APOBR: variants seen among roughly 807,000 people sequenced by gnomAD.
The protein encoded by APOBR is apolipoprotein B receptor.
A neutral mutation model predicts 88.5 loss-of-function variants in APOBR; 57 were observed. That is an observed-to-expected ratio of 0.64 (90% CI 0.52 to 0.80). The LOEUF (loss-of-function observed/expected upper bound fraction) is 0.80, where lower values mean the gene tolerates loss of function less well. APOBR is among the 30% of genes least tolerant of loss of function. The pLI is 0.00. For missense variants in APOBR, 1,443 were observed against 1,401.6 expected, an observed-to-expected ratio of 1.03 and a Z score of -0.47; for synonymous variants, 588 against 572.7, an observed-to-expected ratio of 1.03 and a Z score of -0.38.
At position 28,497,624 on chromosome 16, in the gene APOBR, G is replaced by C. The variant is rs2046403842; in HGVS notation, c.2583G>C (p.Gln861His). The change falls in exon 2 of 4, where the codon CAG becomes CAC. Residue 861 changes from glutamine (Q) to histidine (H), a missense_variant. By Grantham distance (24) the Gln-to-His change is conservative. Coordinates refer to ENST00000564831, the MANE Select transcript of APOBR (RefSeq NM_018690.4). ...GTGGGCTGGATCCCGCGGGCTCCCAGACAGCGAGGGCAGAGGGGATGGGAG... is the reference window on the plus strand; with the variant it reads ...GTGGGCTGGATCCCGCGGGCTCCCACACAGCGAGGGCAGAGGGGATGGGAG... ...DSCGLDPAGSQTARAEGMGAM... is the reference protein window; with the variant it reads ...DSCGLDPAGSHTARAEGMGAM... 1.2e-6 allele frequency: 2 copies of C among 1,605,818 alleles called. No homozygotes were observed. Among genetic ancestry groups the C allele is most frequent in the Non-Finnish European group, 1.7e-6 (2 of 1,176,286 alleles).
In APOBR at chr16:28,498,255, C is replaced by T. The variant is rs2046409608; in HGVS notation, c.3130C>T (p.Gln1044Ter). The T allele has an allele frequency of 6.2e-7, 1 of 1,607,032 alleles. No individual in the cohort carries two copies. Among genetic ancestry groups the T allele is most frequent in the Non-Finnish European group, 8.5e-7 (1 of 1,177,278 alleles). Residue 1044 changes from glutamine (Q) to a stop codon, truncating the protein, a stop_gained, in exon 3 of 4, where the codon CAG (glutamine) becomes TAG (stop). Coordinates refer to ENST00000564831, the MANE Select transcript of APOBR (RefSeq NM_018690.4). LOFTEE classifies it high-confidence loss of function. ...TGAGGAGGAGCTGTCAGCTCCTGAGCAGAGACCCCTCCAGCTGGAGGAACC... is the reference window on the plus strand; with the variant it reads ...TGAGGAGGAGCTGTCAGCTCCTGAGTAGAGACCCCTCCAGCTGGAGGAACC... The part of the protein sequence containing the change: ...PPEEELSAPE[Q>*]RPLQLEEPLE...
In APOBR at chr16:28,495,290, G is replaced by T; in HGVS notation, c.249G>T (p.Gly83=). Residue 83 remains glycine (G), a synonymous_variant, in exon 2 of 4, where the codon GGG becomes GGT. Coordinates refer to ENST00000564831, the MANE Select transcript of APOBR (RefSeq NM_018690.4). ...SQNEGAGRLR[G]PGDDRRHEVG... ...ACGAGGGGGCTGGAAGGCTGAGAGG[G>T]CCTGGAGATGACAGAAGACATGAAG... 6.5e-7 allele frequency: 1 copy of T among 1,534,646 alleles called. No homozygotes were observed. The highest frequency in any genetic ancestry group is 1.7e-4 in the Middle Eastern group (1 of 5,788).
rs1388630889 is a variant in APOBR, at chr16:28,495,458, A to C, written c.417A>C (p.Arg139Ser). 6.4e-7 allele frequency: 1 copy of C among 1,561,792 alleles called. No individual in the cohort carries two copies. The highest frequency in any genetic ancestry group is 8.7e-7 in the Non-Finnish European group (1 of 1,153,124). Reference protein sequence around the residue: ...CQEPSAHLEARKKSKAGSGAC... With the variant: ...CQEPSAHLEASKKSKAGSGAC... ...AGCCAAGCGCCCACTTGGAGGCCAG[A>C]AAGAAATCCAAGGCAGGGTCTGGGG... Residue 139 changes from arginine (R) to serine (S), a missense_variant, in exon 2 of 4, where the codon AGA (arginine) becomes AGC (serine). By Grantham distance (110) the Arg-to-Ser change is moderately radical. Coordinates refer to ENST00000564831, the MANE Select transcript of APOBR (RefSeq NM_018690.4).
At position 28,497,350 on chromosome 16, in the gene APOBR, T is replaced by C. The variant is rs1221813198; in HGVS notation, c.2309T>C (p.Val770Ala). The C allele has an allele frequency of 6.2e-7, 1 of 1,608,564 alleles. No individual in the cohort carries two copies. Among genetic ancestry groups the C allele is most frequent in the East Asian group, 2.2e-5 (1 of 44,702 alleles). The change falls in exon 2 of 4, where the codon GTC (valine) becomes GCC (alanine). Residue 770 changes from valine (V) to alanine (A), a missense_variant. Coordinates refer to ENST00000564831, the MANE Select transcript of APOBR (RefSeq NM_018690.4). ...VAAGIMGGDV[V>A]PHISAAGAGE... The stretch of plus-strand genomic sequence containing the variant: ...GCTGGGATTATGGGGGGTGATGTGG[T>C]CCCACACATCAGCGCTGCTGGCGCT...
chr16:28,497,629 C>A lies in APOBR; in HGVS notation c.2588C>A (p.Ala863Glu), dbSNP rs760289838. Reference sequence around the variant, plus strand: ...CTGGATCCCGCGGGCTCCCAGACAGCGAGGGCAGAGGGGATGGGAGCCATG... The same window carrying A: ...CTGGATCCCGCGGGCTCCCAGACAGAGAGGGCAGAGGGGATGGGAGCCATG... ...CGLDPAGSQTARAEGMGAMVE... is the reference protein window; with the variant it reads ...CGLDPAGSQTERAEGMGAMVE... Residue 863 changes from alanine (A) to glutamate (E), a missense_variant, in exon 2 of 4, where the codon GCG becomes GAG. By Grantham distance (107) the Ala-to-Glu change is moderately radical. Coordinates refer to ENST00000564831, the MANE Select transcript of APOBR (RefSeq NM_018690.4). 1.7e-5 allele frequency: 27 copies of A among 1,604,560 alleles called. No individual in the cohort carries two copies. The highest frequency in any genetic ancestry group is 2.2e-5 in the East Asian group (1 of 44,638).
rs972164122 is a variant in APOBR at position 28,498,799 on chromosome 16, G to A, written c.*294G>A. On this transcript the variant is annotated 3_prime_UTR_variant, in exon 4 of 4. Transcript: ENST00000564831. ...CTGAGTCAGCTGTCTGGACTGCAAG[G>A]AGGCTGGGCACGGGGGCTCACGCCT... is the stretch of plus-strand genomic sequence containing the variant. 1.7e-6 allele frequency: 1 copy of A among 574,292 alleles called. No individual in the cohort carries two copies. The highest frequency in any genetic ancestry group is 3.1e-6 in the Non-Finnish European group (1 of 318,070). The allele number at this position is 574,292 out of a possible 1,614,324, so 35.6% of individuals were successfully genotyped here.
chr16:28,494,819 C>T lies in APOBR; in HGVS notation c.57+81C>T, dbSNP rs1028953720. On this transcript the variant is annotated intron_variant, in intron 1 of 3. Transcript: ENST00000564831. ...TCCGGGCACCTCCCCTGGGGCCTCA[C>T]CTTTCCCCTCCTCCTTCTGATCTCC... is the stretch of plus-strand genomic sequence containing the variant. 5 of 1,298,234 alleles carry T rather than the reference C, an allele frequency of 3.9e-6. No homozygotes were observed. In the Admixed American group the frequency reaches 6.3e-5, roughly 16 times the overall value. 80.4% of individuals were successfully genotyped at this position (1,298,234 alleles called of 1,614,324 possible). A position where few individuals can be genotyped will look rare whatever the true frequency, so the allele number is the denominator to read the frequency against.
At position 28,498,525 on chromosome 16, in the gene APOBR, G is replaced by T; in HGVS notation, c.*20G>T. The T allele has an allele frequency of 2.5e-6, 4 of 1,574,736 alleles. No homozygotes were observed. Among genetic ancestry groups the T allele is most frequent in the Non-Finnish European group, 3.4e-6 (4 of 1,161,186 alleles). On this transcript the variant is annotated 3_prime_UTR_variant, in exon 4 of 4. Coordinates refer to ENST00000564831, the MANE Select transcript of APOBR (RefSeq NM_018690.4). ...CAGTGACTGAGACCCGGTGCTCTGG[G>T]AGCCAGGCCCTGAGTGGGTGCCAGA... is the stretch of plus-strand genomic sequence containing the variant.
Position 28,498,822 on chromosome 16 carries a change from C to A in APOBR, c.*317C>A. On this transcript the variant is annotated 3_prime_UTR_variant, in exon 4 of 4. Coordinates refer to ENST00000564831, the MANE Select transcript of APOBR (RefSeq NM_018690.4). Reference sequence around the variant, plus strand: ...AGGAGGCTGGGCACGGGGGCTCACGCCTGTCACCCCAGAGCTTTGGGAGGC... The same window carrying A: ...AGGAGGCTGGGCACGGGGGCTCACGACTGTCACCCCAGAGCTTTGGGAGGC... 1 of 564,056 alleles carries A rather than the reference C, an allele frequency of 1.8e-6. No individual in the cohort carries two copies. The highest frequency in any genetic ancestry group is 3.2e-6 in the Non-Finnish European group (1 of 309,506). The allele number at this position is 564,056 out of a possible 1,614,324, so 34.9% of individuals were successfully genotyped here. A position where few individuals can be genotyped will look rare whatever the true frequency, so the allele number is the denominator to read the frequency against.
Position 28,497,638 on chromosome 16 carries a change from A to C in APOBR, c.2597A>C (p.Glu866Ala). Residue 866 changes from glutamate (E) to alanine (A), a missense_variant, in exon 2 of 4, where the codon GAG becomes GCG. By Grantham distance (107) the Glu-to-Ala change is moderately radical. Transcript: ENST00000564831. The part of the protein sequence containing the change: ...DPAGSQTARA[E>A]GMGAMVEAGG... ...GCGGGCTCCCAGACAGCGAGGGCAG[A>C]GGGGATGGGAGCCATGGTGGAGGCT... 6.2e-7 allele frequency: 1 copy of C among 1,604,672 alleles called. No homozygotes were observed. The highest frequency in any genetic ancestry group is 2.2e-5 in the East Asian group (1 of 44,638).
At position 28,497,661 on chromosome 16, in the gene APOBR, G is replaced by T. The variant is rs2046404045; in HGVS notation, c.2620G>T (p.Ala874Ser). 1.9e-6 allele frequency: 3 copies of T among 1,602,604 alleles called. No homozygotes were observed. Among genetic ancestry groups the T allele is most frequent in the Non-Finnish European group, 2.6e-6 (3 of 1,174,726 alleles). ...AGAGGGGATGGGAGCCATGGTGGAG[G>T]CTGGGGGGCTTCTAGAAAAGTGGAC... is the stretch of plus-strand genomic sequence containing the variant. The part of the protein sequence containing the change: ...RAEGMGAMVE[A>S]GGLLEKWTLL... Residue 874 changes from alanine to serine, a missense_variant, in exon 2 of 4, where the codon GCT becomes TCT. Physicochemically the swap from Ala to Ser is moderately conservative, Grantham distance 99 (BLOSUM62 1). Coordinates refer to ENST00000564831, the MANE Select transcript of APOBR (RefSeq NM_018690.4).
chr16:28,496,601 G>A lies in APOBR; in HGVS notation c.1560G>A (p.Leu520=), dbSNP rs370999706. 96 of 1,572,640 alleles carry A rather than the reference G, an allele frequency of 6.1e-5. No individual in the cohort carries two copies. In the African/African-American group the frequency reaches 1.2e-3, roughly 19 times the overall value. The change falls in exon 2 of 4, where the codon TTG becomes TTA. Residue 520 remains leucine, a synonymous_variant. Transcript: ENST00000564831. ...SDGEAEGTAD[L]EATPEARPEE... ...GAGAGGCTGAAGGCACTGCCGACTT[G>A]GAGGCAACTCCAGAGGCCAGGCCTG...
chr16:28,495,252 A>G lies in APOBR; in HGVS notation c.211A>G (p.Arg71Gly). The change falls in exon 2 of 4, where the codon AGA becomes GGA. Residue 71 changes from arginine (R) to glycine (G), a missense_variant. Transcript: ENST00000564831. ...AGCCCAGGAGGACCTGGAGGGCCTTAGAGGCAGCCAAAACGAGGGGGCTGG... is the reference window on the plus strand; with the variant it reads ...AGCCCAGGAGGACCTGGAGGGCCTTGGAGGCAGCCAAAACGAGGGGGCTGG... Reference protein sequence around the residue: ...EEAQEDLEGLRGSQNEGAGRL... With the variant: ...EEAQEDLEGLGGSQNEGAGRL... 1 of 1,531,646 alleles carries G rather than the reference A, an allele frequency of 6.5e-7. No homozygotes were observed. Among genetic ancestry groups the G allele is most frequent in the Non-Finnish European group, 8.8e-7 (1 of 1,141,698 alleles). The allele number at this position is 1,531,646 out of a possible 1,614,324, so 94.9% of individuals were successfully genotyped here.
chr16:28,497,671 T>C lies in APOBR; in HGVS notation c.2630T>C (p.Leu877Pro), dbSNP rs1464571790. The part of the protein sequence containing the change: ...GMGAMVEAGG[L>P]LEKWTLLEEE... ...GGAGCCATGGTGGAGGCTGGGGGGCTTCTAGAAAAGTGGACGCTGTTGGAA... is the reference window on the plus strand; with the variant it reads ...GGAGCCATGGTGGAGGCTGGGGGGCCTCTAGAAAAGTGGACGCTGTTGGAA... Residue 877 changes from leucine to proline, a missense_variant, in exon 2 of 4, where the codon CTT (leucine) becomes CCT (proline). Leu to Pro is a moderately conservative substitution (Grantham distance 98). Transcript: ENST00000564831. The C allele has an allele frequency of 6.2e-7, 1 of 1,602,456 alleles. No individual in the cohort carries two copies. Among genetic ancestry groups the C allele is most frequent in the South Asian group, 1.1e-5 (1 of 89,362 alleles).
At position 28,496,968 on chromosome 16, in the gene APOBR, G is replaced by A. The variant is rs757908727; in HGVS notation, c.1927G>A (p.Asp643Asn). Reference protein sequence around the residue: ...ERGNTQEDAADGEQREEEETA... With the variant: ...ERGNTQEDAANGEQREEEETA... ...AGGAAATACTCAGGAGGATGCGGCC[G>A]ATGGCGAGCAGCGGGAGGAGGAGGA... Residue 643 changes from aspartate (D) to asparagine (N), a missense_variant, in exon 2 of 4, where the codon GAT becomes AAT. Coordinates refer to ENST00000564831, the MANE Select transcript of APOBR (RefSeq NM_018690.4). 9.0e-6 allele frequency: 14 copies of A among 1,559,312 alleles called. No homozygotes were observed. The East Asian group carries it at 9.4e-5, about 10-fold the overall frequency.
chr16:28,496,333 TG>T lies in APOBR; in HGVS notation c.1295del (p.Gly432AlafsTer32). 6.3e-7 allele frequency: 1 copy of T among 1,587,418 alleles called. No homozygotes were observed. The highest frequency in any genetic ancestry group is 8.6e-7 in the Non-Finnish European group (1 of 1,167,156). ...VSPFPKQPQV[L>X]GTERTEEAAE... ...CCTTTCCCCAAACAGCCCCAGGTCC[TG>T]GGCACTGAAAGAACAGAAGAGGCTG... On this transcript the variant is annotated frameshift_variant, in exon 2 of 4. Coordinates refer to ENST00000564831, the MANE Select transcript of APOBR (RefSeq NM_018690.4). LOFTEE classifies it high-confidence loss of function.
In APOBR at chr16:28,498,827, C is replaced by A. The variant is rs116471865; in HGVS notation, c.*322C>A. 6 of 561,416 alleles carry A rather than the reference C, an allele frequency of 1.1e-5. No individual in the cohort carries two copies. In the South Asian group the frequency reaches 1.1e-4, roughly 11 times the overall value. 34.8% of individuals were successfully genotyped at this position (561,416 alleles called of 1,614,324 possible). A position where few individuals can be genotyped will look rare whatever the true frequency, so the allele number is the denominator to read the frequency against. Reference sequence around the variant, plus strand: ...GCTGGGCACGGGGGCTCACGCCTGTCACCCCAGAGCTTTGGGAGGCCAAGG... The same window carrying A: ...GCTGGGCACGGGGGCTCACGCCTGTAACCCCAGAGCTTTGGGAGGCCAAGG... On this transcript the variant is annotated 3_prime_UTR_variant, in exon 4 of 4. Transcript: ENST00000564831.
Position 28,496,187 on chromosome 16 carries a change from C to G in APOBR, c.1146C>G (p.Asp382Glu). 1 of 1,563,996 alleles carries G rather than the reference C, an allele frequency of 6.4e-7. No individual in the cohort carries two copies. Among genetic ancestry groups the G allele is most frequent in the Non-Finnish European group, 8.6e-7 (1 of 1,157,616 alleles). The part of the protein sequence containing the change: ...AWTTSGKEEA[D>E]LLGVRQTEYG... ...CAACCTCAGGCAAAGAGGAGGCTGA[C>G]CTGCTGGGAGTCAGACAGACAGAAT... Residue 382 changes from aspartate (D) to glutamate (E), a missense_variant, in exon 2 of 4, where the codon GAC (aspartate) becomes GAG (glutamate). Transcript: ENST00000564831.
rs767149484 is a variant in APOBR at position 28,498,513 on chromosome 16, C to G, written c.*8C>G. On this transcript the variant is annotated 3_prime_UTR_variant, in exon 4 of 4. Transcript: ENST00000564831. ...CGGCCTAAGCCCCAGTGACTGAGAC[C>G]CGGTGCTCTGGGAGCCAGGCCCTGA... The G allele has an allele frequency of 2.5e-6, 4 of 1,587,880 alleles. No homozygotes were observed. The highest frequency in any genetic ancestry group is 1.8e-5 in the Admixed American group (1 of 56,164).
Sources: allele counts gnomAD v4.1 joint callset, GRCh38; gene constraint gnomAD v4.1.1; transcripts MANE v1.5; gene names NCBI Gene and HGNC (gene_info 2026-07-23, HGNC 2026-07-21).